Variants in ADARB1 observed in about 807,000 individuals in gnomAD.
The protein encoded by ADARB1 is adenosine deaminase RNA specific B1.
ADARB1 carries 10 observed loss-of-function variants against 52.4 expected under a neutral mutation model. The observed-to-expected ratio is 0.19, with a 90% CI of 0.12 to 0.32. The LOEUF (loss-of-function observed/expected upper bound fraction) is 0.32. Among genes scored for constraint, ADARB1 ranks in the 10% least tolerant of loss-of-function variants. The probability of loss-of-function intolerance (pLI) is 1.00; values close to 1 mark genes in which losing one functional copy is unlikely to be tolerated. For missense variants in ADARB1, 643 were observed against 922.3 expected, an observed-to-expected ratio of 0.70 and a Z score of 3.92; for synonymous variants, 349 against 371.1, an observed-to-expected ratio of 0.94 and a Z score of 0.68.
At position 45,157,331 on chromosome 21, in the gene ADARB1, A is replaced by C. The variant is rs2090714151; in HGVS notation, c.-47-14279A>C. 6.6e-6 allele frequency among the ~76,000 whole-genome samples: 1 copy of C among 152,220 alleles called. No individual in the cohort carries two copies. The highest frequency in any genetic ancestry group is 2.1e-4 in the South Asian group (1 of 4,836). ...AGTGCAGTTATAAGTGTTAATATTGAAAATAAAGTTTACATCGTTGTCTTT... is the reference window on the plus strand; with the variant it reads ...AGTGCAGTTATAAGTGTTAATATTGCAAATAAAGTTTACATCGTTGTCTTT... On this transcript the variant is annotated intron_variant, in intron 2 of 10. Transcript: ENST00000348831. The surrounding 1 kb of genome is among the most constrained non-coding windows in gnomAD (Gnocchi z 4.1).
intron 2 of ADARB1, among the ~76,000 whole-genome samples, chr21:45,143,604 G>T (rs1485428314): frequency 1.3e-5 from 2 of 152,162 alleles, no homozygotes; most frequent in Non-Finnish European, 2.9e-5. Context: ...CCTCACTGTG[G>T]CCCAGGAGGT....
chr21:45,222,308 G>T lies in ADARB1; in HGVS notation c.*111G>T. On this transcript the variant is annotated 3_prime_UTR_variant, in exon 11 of 11. Coordinates refer to ENST00000348831, the MANE Select transcript of ADARB1 (RefSeq NM_001112.4). ...GCATACCTTGGGGAGGGAGTAGGGGGACACGGGGGACCACCAGGTGTCCAC... is the reference window on the plus strand; with the variant it reads ...GCATACCTTGGGGAGGGAGTAGGGGTACACGGGGGACCACCAGGTGTCCAC... 3.5e-5 allele frequency: 44 copies of T among 1,261,736 alleles called. No homozygotes were observed. Among genetic ancestry groups the T allele is most frequent in the East Asian group, 1.1e-4 (3 of 27,916 alleles). 78.2% of individuals were successfully genotyped at this position (1,261,736 alleles called of 1,614,324 possible).
In ADARB1 at chr21:45,208,596, AGT is replaced by A. The variant is rs530685716; in HGVS notation, c.1747+3864_1747+3865del. 9.2e-5 allele frequency among the ~76,000 whole-genome samples: 14 copies of A among 151,606 alleles called. No individual in the cohort carries two copies. The South Asian group carries it at 2.9e-3, about 32-fold the overall frequency. ...GAGAGAGAAGGAACATCACTGTGAG[AGT>A]GTGGAAAGTGTGTGTGTGTATGTGT... On this transcript the variant is annotated intron_variant, in intron 9 of 10. Coordinates refer to ENST00000348831, the MANE Select transcript of ADARB1 (RefSeq NM_001112.4). This position sits in a 1 kb window ranked among gnomAD's most constrained non-coding sequence, Gnocchi z 5.6.
At chr21:45,212,178 C>T (rs1167323614) in intron 9 of ADARB1, among the ~76,000 whole-genome samples, 1 of 152,116 alleles carries the variant, frequency 6.6e-6, no homozygotes, top group East Asian at 1.9e-4. Flanking sequence ...ATAATATAAG[C>T]GTTATCCATT....
At chr21:45,123,749 C>T (rs754242948) in intron 1 of ADARB1, among the ~76,000 whole-genome samples, 1 of 152,094 alleles carries the variant, frequency 6.6e-6, no homozygotes, top group Non-Finnish European at 1.5e-5. Flanking sequence ...CACAGGTGCA[C>T]ACCAGCATGC....
chr21:45,218,753 T>TG (rs1315638778), intron 9 of ADARB1, among the ~76,000 whole-genome samples: 1 of 151,878 alleles, frequency 6.6e-6, no homozygotes, highest in African/African-American at 2.4e-5. Context: ...GGTGACGGGG[T>TG]GGGGGTGGCC....
rs143603694 is a variant in ADARB1, at chr21:45,213,876, G to A, written c.1748-6960G>A. Among the ~76,000 whole-genome samples, 200 of 152,252 alleles carry A rather than the reference G, an allele frequency of 1.3e-3. No individual in the cohort carries two copies. The South Asian group carries it at 0.025, about 19-fold the overall frequency. ...AACATTTCTGTACAAATCTTTGGGC[G>A]CTTACTTCCATTTCTCTTTAGTAGA... On this transcript the variant is annotated intron_variant, in intron 9 of 10. Coordinates refer to ENST00000348831, the MANE Select transcript of ADARB1 (RefSeq NM_001112.4).
At chr21:45,143,757 C>G (rs748245129) in intron 2 of ADARB1, among the ~76,000 whole-genome samples, 4 of 152,222 alleles carry the variant, frequency 2.6e-5, no homozygotes, top group Non-Finnish European at 4.4e-5. Context: ...TTCACTCTTC[C>G]CAGAAGAGAA....
intron 2 of ADARB1, among the ~76,000 whole-genome samples, chr21:45,135,606 A>G (rs947329616): frequency 1.3e-5 from 2 of 152,272 alleles, no homozygotes; most frequent in Non-Finnish European, 2.9e-5. Context: ...CTAATGAAGC[A>G]GAAAGACTAG....
intron 2 of ADARB1, among the ~76,000 whole-genome samples, chr21:45,133,988 C>CAG (rs1369802879): frequency 1.0e-4 from 8 of 79,868 alleles, no homozygotes; most frequent in South Asian, 4.7e-4. Context: ...GTGTGCCCGA[C>CAG]TGGTGTGTGC....
chr21:45,184,868 T>G, intron 7 of ADARB1, 55 bp from the exon 8 acceptor site: 1 of 1,510,486 alleles, frequency 6.6e-7, no homozygotes, highest in Non-Finnish European at 9.0e-7. Context: ...TGCTTTTCAA[T>G]AAATCAAATA....
At chr21:45,149,648 C>T (rs533153891) in intron 2 of ADARB1, among the ~76,000 whole-genome samples, 10 of 152,302 alleles carry the variant, frequency 6.6e-5, no homozygotes, top group African/African-American at 2.4e-4. Context: ...GTTCAGAGGC[C>T]ACTCATGTTT....
chr21:45,120,189 GA>G (rs1192341820), intron 1 of ADARB1, among the ~76,000 whole-genome samples: 1 of 152,236 alleles, frequency 6.6e-6, no homozygotes, highest in South Asian at 2.1e-4. Flanking sequence ...AAGTGCCAAA[GA>G]AAGGATTGGG....
intron 1 of ADARB1, among the ~76,000 whole-genome samples, chr21:45,102,867 A>G (rs548778736): frequency 6.6e-6 from 1 of 152,336 alleles, no homozygotes; most frequent in South Asian, 2.1e-4. Context: ...AGGGCTGTGC[A>G]GAGCAACTTC....
intron 6 of ADARB1, 151 bp from the exon 7 acceptor site, chr21:45,183,211 G>C (rs1415434838): frequency 8.2e-6 from 6 of 730,744 alleles, no homozygotes; most frequent in Non-Finnish European, 1.2e-5. Context: ...TGAGTGACAA[G>C]AACTGTATTA....
At position 45,158,385 on chromosome 21, in the gene ADARB1, G is replaced by A. The variant is rs541052533; in HGVS notation, c.-47-13225G>A. On this transcript the variant is annotated intron_variant, in intron 2 of 10. Coordinates refer to ENST00000348831, the MANE Select transcript of ADARB1 (RefSeq NM_001112.4). ...AGTGAGGCAGAATGTGGAAGCAAACGGGACCATCTGGAAGTTTTGCTCTAG... is the reference window on the plus strand; with the variant it reads ...AGTGAGGCAGAATGTGGAAGCAAACAGGACCATCTGGAAGTTTTGCTCTAG... 1.2e-4 allele frequency among the ~76,000 whole-genome samples: 18 copies of A among 152,300 alleles called. No homozygotes were observed. The South Asian group carries it at 2.3e-3, about 19-fold the overall frequency.
chr21:45,141,355 A>G (rs1195953675), intron 2 of ADARB1, among the ~76,000 whole-genome samples: 2 of 152,222 alleles, frequency 1.3e-5, no homozygotes, highest in African/African-American at 4.8e-5. Flanking sequence ...GGTTTTACAG[A>G]ATATATTTCA....
intron 1 of ADARB1, among the ~76,000 whole-genome samples, chr21:45,092,937 T>A (rs2086616268): frequency 6.6e-6 from 1 of 152,014 alleles, no homozygotes; most frequent in Admixed American, 6.6e-5. Context: ...CTTAAAGATG[T>A]CAAAACTAGT....
intron 4 of ADARB1, among the ~76,000 whole-genome samples, chr21:45,178,965 G>A (rs1430177766): frequency 6.6e-6 from 1 of 152,098 alleles, no homozygotes; most frequent in East Asian, 1.9e-4. Flanking sequence ...GCCTCTCTTT[G>A]AAAGTTTGGA....
Sources: gnomAD v4.1 joint callset for allele counts (sites outside exome capture counted in the v4.1 genomes callset) on GRCh38, gnomAD v4.1.1 for gene constraint, Gnocchi (gnomAD v3.1) non-coding constraint, MANE v1.5 for transcripts, NCBI Gene and HGNC (gene_info 2026-07-23, HGNC 2026-07-21) for gene names.